The following TRMT44 variants were observed in gnomAD, a reference collection of about 807,000 sequenced individuals.
TRMT44 encodes the protein probable tRNA (uracil-O(2)-)-methyltransferase.
TRMT44 carries 78 observed loss-of-function variants against 77.3 expected under a neutral mutation model. That is an observed-to-expected ratio of 1.01 (90% CI 0.84 to 1.22). TRMT44 has a LOEUF of 1.22. Among genes scored for constraint, TRMT44 ranks in the 50% most tolerant of loss-of-function variants. The pLI is 0.00. For missense variants in TRMT44, 1,090 were observed against 964.4 expected (o/e 1.13, Z -1.73); for synonymous variants, 391 against 383.3 (o/e 1.02, Z -0.23).
intron 6 of TRMT44, among the ~76,000 whole-genome samples, chr4:8,459,139 C>T (rs903742176): frequency 2.0e-5 from 3 of 152,154 alleles, no homozygotes; most frequent in African/African-American, 7.2e-5. Flanking sequence ...GAGGTTGAGA[C>T]TGCGGTGAGC....
chr4:8,459,215 A>G lies in TRMT44; in HGVS notation c.1203+4402A>G, dbSNP rs565512632. On this transcript the variant is annotated intron_variant, in intron 6 of 10. Coordinates refer to ENST00000389737, the MANE Select transcript of TRMT44 (RefSeq NM_152544.3). ...GAGACTCTGTCTCCAAAAGTTATACATAGATTCTTAACTGCATCTGTAGGG... is the reference window on the plus strand; with the variant it reads ...GAGACTCTGTCTCCAAAAGTTATACGTAGATTCTTAACTGCATCTGTAGGG... 1.9e-4 allele frequency among the ~76,000 whole-genome samples: 29 copies of G among 152,322 alleles called. 1 individual carries two copies. The highest frequency in any genetic ancestry group is 5.8e-4 in the African/African-American group (24 of 41,568).
intron 2 of TRMT44, among the ~76,000 whole-genome samples, chr4:8,488,515 C>T (rs1727890525): frequency 6.6e-6 from 1 of 152,208 alleles, no homozygotes; most frequent in Admixed American, 6.5e-5. Context: ...AGGAAAAGGA[C>T]TTTCACAAGG....
downstream of TRMT44, among the ~76,000 whole-genome samples, chr4:8,479,900 C>T (rs1303143518): frequency 4.0e-5 from 6 of 151,846 alleles, no homozygotes; most frequent in Non-Finnish European, 5.9e-5. Flanking sequence ...TTTTTTGAGA[C>T]GGGGTCTTGT....
At chr4:8,479,532 T>C (rs871363), downstream of TRMT44, 78,691 of 151,698 alleles carry the variant, frequency 0.52, 20,758 homozygotes, top group African/African-American at 0.59. Context: ...TGTAACGCAA[T>C]GGTAAGTGTC....
At chr4:8,514,379 C>A in the TRMT44 span, among the ~76,000 whole-genome samples, 3 of 151,256 alleles carry the variant, frequency 2.0e-5, no homozygotes, top group East Asian at 5.9e-4. Flanking sequence ...GATCTTGGCT[C>A]ACTGCAACCT....
chr4:8,476,556 C>A (rs1727402483), downstream of TRMT44: 1 of 154,606 alleles, frequency 6.5e-6, no homozygotes, highest in African/African-American at 2.4e-5. Context: ...AATTTCCTGA[C>A]ATGGGCCACT....
At chr4:8,470,749 C>T (rs1560239306) in intron 9 of TRMT44, among the ~76,000 whole-genome samples, 1 of 152,208 alleles carries the variant, frequency 6.6e-6, no homozygotes, top group Non-Finnish European at 1.5e-5. Context: ...ACCCTGGCTC[C>T]AAACAGCCAC....
chr4:8,466,476 G>A (rs554606815), intron 8 of TRMT44, among the ~76,000 whole-genome samples: 73 of 152,372 alleles, frequency 4.8e-4, no homozygotes, highest in Non-Finnish European at 8.7e-4. Context: ...CGTCATAGCC[G>A]TGCACCAGGA....
At chr4:8,506,652 G>A in the TRMT44 span, among the ~76,000 whole-genome samples, 2 of 152,252 alleles carry the variant, frequency 1.3e-5, no homozygotes, top group Admixed American at 1.3e-4. Flanking sequence ...CGGGCCAAGT[G>A]CTACGTGTGC....
intron 2 of TRMT44, among the ~76,000 whole-genome samples, chr4:8,481,756 A>T (rs1166755081): frequency 6.6e-6 from 1 of 152,206 alleles, no homozygotes; most frequent in Non-Finnish European, 1.5e-5. Flanking sequence ...CATCAATATC[A>T]CTGTCTCCCA....
In TRMT44 at chr4:8,468,075, T is replaced by G. The variant is rs1579074612; in HGVS notation, c.1656T>G (p.Gly552=). The change falls in exon 9 of 11, where the codon GGT becomes GGG. Residue 552 remains glycine (G), a synonymous_variant. Coordinates refer to ENST00000389737, the MANE Select transcript of TRMT44 (RefSeq NM_152544.3). ...SPRWVAAGSA[G]HCDGQQALDA... ...GCTGGGTTGCTGCTGGCAGTGCTGG[T>G]CACTGTGACGGTCAGCAAGCTCTGG... The G allele has an allele frequency of 1.2e-6, 2 of 1,613,928 alleles. No individual in the cohort carries two copies. Among genetic ancestry groups the G allele is most frequent in the Non-Finnish European group, 1.7e-6 (2 of 1,180,036 alleles).
At chr4:8,475,715 G>A in intron 10 of TRMT44, 57 bp from the exon 11 acceptor site, 1 of 1,555,712 alleles carries the variant, frequency 6.4e-7, no homozygotes, top group Non-Finnish European at 8.8e-7. Flanking sequence ...AGAGGCTGGT[G>A]AATTAAGGAA....
chr4:8,483,688 A>G (rs1315525686), intron 2 of TRMT44, among the ~76,000 whole-genome samples: 3 of 152,188 alleles, frequency 2.0e-5, no homozygotes, highest in Admixed American at 6.5e-5. Flanking sequence ...TTCACTGAAT[A>G]CTAAGAGCCT....
chr4:8,496,979 C>T (rs546391472), downstream of TRMT44, among the ~76,000 whole-genome samples: 9 of 152,188 alleles, frequency 5.9e-5, no homozygotes, highest in East Asian at 7.7e-4. Context: ...TGCGTTTCTT[C>T]ACTCTAAGAA....
chr4:8,441,359 C>T lies in TRMT44; in HGVS notation c.537C>T (p.Leu179=), dbSNP rs1560215553. 3 of 1,534,674 alleles carry T rather than the reference C, an allele frequency of 2.0e-6. No individual in the cohort carries two copies. The highest frequency in any genetic ancestry group is 3.9e-5 in the Admixed American group (2 of 50,866). The change falls in exon 1 of 11, where the codon CTC becomes CTT. Residue 179 remains leucine, a synonymous_variant. Coordinates refer to ENST00000389737, the MANE Select transcript of TRMT44 (RefSeq NM_152544.3). ...AGSQPEAQRE[L]DVVLRTVIPK... ...CGCAGCCAGAGGCGCAGCGTGAGCT[C>T]GACGTGGTTCTCAGAACCGTCATCC... is the stretch of plus-strand genomic sequence containing the variant.
chr4:8,474,626 C>A (rs1297964123), intron 10 of TRMT44, among the ~76,000 whole-genome samples: 1 of 152,372 alleles, frequency 6.6e-6, no homozygotes, highest in East Asian at 1.9e-4. Flanking sequence ...TTAATTCCTA[C>A]ACTTTCAAGT....
downstream of TRMT44, among the ~76,000 whole-genome samples, chr4:8,496,465 G>T (rs1298763079): frequency 2.0e-5 from 3 of 152,190 alleles, no homozygotes; most frequent in Non-Finnish European, 1.5e-5. Context: ...AGGCAGGAGT[G>T]TGTGTTTGCA....
At chr4:8,507,928 T>G in the TRMT44 span, among the ~76,000 whole-genome samples, 2 of 151,748 alleles carry the variant, frequency 1.3e-5, no homozygotes, top group Non-Finnish European at 2.9e-5. Flanking sequence ...TGTTTTGAAA[T>G]GGAGTTTCGC....
chr4:8,495,963 T>C (rs1728138235), downstream of TRMT44, among the ~76,000 whole-genome samples: 1 of 152,198 alleles, frequency 6.6e-6, no homozygotes, highest in Non-Finnish European at 1.5e-5. Context: ...ATTGTTTCCC[T>C]CCTGCAGCCA....
Sources: allele counts gnomAD v4.1 joint callset (sites outside exome capture counted in the v4.1 genomes callset), GRCh38; gene constraint gnomAD v4.1.1; transcripts MANE v1.5; gene names NCBI Gene and HGNC (gene_info 2026-07-23, HGNC 2026-07-21).